The following PLCL1 variants were observed in gnomAD, a reference collection of about 807,000 sequenced individuals.
The protein encoded by PLCL1 is phospholipase C like 1 (inactive), also known as inactive phospholipase C-like protein 1.
In PLCL1, 41 loss-of-function variants were observed where a neutral mutation model predicts 84.4. The observed-to-expected ratio is 0.49, with a 90% CI of 0.38 to 0.63. The LOEUF is 0.63. Among genes scored for constraint, PLCL1 ranks in the 30% least tolerant of loss-of-function variants. The pLI, the probability that PLCL1 is intolerant of heterozygous loss-of-function variation, is 0.00. For synonymous variants in PLCL1, 490 were observed against 488.3 expected, an observed-to-expected ratio of 1.00 and a Z score of -0.05; for missense variants, 1,206 against 1,367.8, an observed-to-expected ratio of 0.88 and a Z score of 1.87.
intron 1 of PLCL1, among the ~76,000 whole-genome samples, chr2:197,905,341 G>A (rs142841080): frequency 0.012 from 1,787 of 152,322 alleles, 26 homozygotes; most frequent in African/African-American, 0.031. Flanking sequence ...GTGAGAACAC[G>A]CAGTGTTCAG....
At chr2:197,850,938 A>G (rs1005106364) in intron 1 of PLCL1, among the ~76,000 whole-genome samples, 32 of 152,186 alleles carry the variant, frequency 2.1e-4, no homozygotes, top group African/African-American at 7.7e-4. Context: ...CATTATCACA[A>G]ACTTTCTTAT....
intron 1 of PLCL1, among the ~76,000 whole-genome samples, chr2:197,890,701 T>TATATATATATATATATATATACATAC (rs11270566): frequency 8.4e-6 from 1 of 118,544 alleles, no homozygotes; most frequent in African/African-American, 3.8e-5. Flanking sequence ...TATATATATA[T>TATATATATATATATATATATACATAC]ACACACACAC....
intron 1 of PLCL1, among the ~76,000 whole-genome samples, chr2:198,038,976 G>A (rs183440552): frequency 1.5e-3 from 227 of 152,168 alleles, no homozygotes; most frequent in Non-Finnish European, 2.1e-3. Flanking sequence ...AATATGAAAA[G>A]GTATTTCCAC....
chr2:197,822,533 G>T (rs1690838423), intron 1 of PLCL1, among the ~76,000 whole-genome samples: 1 of 152,172 alleles, frequency 6.6e-6, no homozygotes, highest in Non-Finnish European at 1.5e-5. Context: ...TGCTTACCAT[G>T]TTCCAGACAC....
At chr2:197,829,421 A>G (rs1691007121) in intron 1 of PLCL1, among the ~76,000 whole-genome samples, 1 of 152,202 alleles carries the variant, frequency 6.6e-6, no homozygotes, top group Non-Finnish European at 1.5e-5. Context: ...TTCAATTGCA[A>G]CATTACACAC....
At position 198,149,233 on chromosome 2, in the gene PLCL1, G is replaced by A. The variant is rs944320496; in HGVS notation, c.*2271G>A. 6.6e-6 allele frequency: 1 copy of A among 152,318 alleles called. No individual in the cohort carries two copies. The highest frequency in any genetic ancestry group is 2.4e-5 in the African/African-American group (1 of 41,446). The allele number at this position is 152,318 out of a possible 1,614,324, so 9.4% of individuals were successfully genotyped here. ...ATGACATTGTTACATTCTATGAGGA[G>A]CATCTGTCTCCTTTCTAGACTTGAA... On this transcript the variant is annotated 3_prime_UTR_variant, in exon 6 of 6. Coordinates refer to ENST00000428675, the MANE Select transcript of PLCL1 (RefSeq NM_006226.4).
intron 1 of PLCL1, among the ~76,000 whole-genome samples, chr2:197,845,480 C>A (rs1191909008): frequency 1.3e-5 from 2 of 151,992 alleles, no homozygotes; most frequent in African/African-American, 4.8e-5. Flanking sequence ...CATAAAGGAG[C>A]CTGGCAAGAA....
chr2:197,866,592 C>G (rs1687550349), intron 1 of PLCL1, among the ~76,000 whole-genome samples: 1 of 152,182 alleles, frequency 6.6e-6, no homozygotes, highest in South Asian at 2.1e-4. Context: ...AATTAATATG[C>G]TTGCTTTTCC....
intron 1 of PLCL1, among the ~76,000 whole-genome samples, chr2:197,918,334 A>G (rs1309676958): frequency 6.6e-6 from 1 of 152,214 alleles, no homozygotes; most frequent in African/African-American, 2.4e-5. Context: ...AGGCGGAGAC[A>G]TGTCAACTAA....
intron 1 of PLCL1, among the ~76,000 whole-genome samples, chr2:197,990,676 C>T (rs1207282085): frequency 6.6e-6 from 1 of 152,096 alleles, no homozygotes; most frequent in Non-Finnish European, 1.5e-5. Context: ...AGAGTCCCTC[C>T]CATGACACAT....
chr2:197,963,330 T>A (rs969724562), intron 1 of PLCL1, among the ~76,000 whole-genome samples: 23 of 152,212 alleles, frequency 1.5e-4, no homozygotes, highest in African/African-American at 5.5e-4. Flanking sequence ...ATTTCTTTGA[T>A]GATCAATGAT....
intron 1 of PLCL1, among the ~76,000 whole-genome samples, chr2:198,031,549 G>A (rs1013398452): frequency 6.6e-6 from 1 of 151,690 alleles, no homozygotes; most frequent in Non-Finnish European, 1.5e-5. Flanking sequence ...GGAATGCAGT[G>A]GTGTGATCAG....
intron 1 of PLCL1, among the ~76,000 whole-genome samples, chr2:197,914,266 A>G (rs144482723): frequency 5.9e-5 from 9 of 152,310 alleles, no homozygotes; most frequent in African/African-American, 1.9e-4. Flanking sequence ...CAAAAAGTGA[A>G]TATCTGATTT....
At chr2:197,866,946 C>A (rs1422182980) in intron 1 of PLCL1, among the ~76,000 whole-genome samples, 2 of 152,118 alleles carry the variant, frequency 1.3e-5, no homozygotes, top group African/African-American at 2.4e-5. Flanking sequence ...ACATAAAAGG[C>A]ATCATTCATA....
chr2:197,969,293 G>A (rs189667804), intron 1 of PLCL1, among the ~76,000 whole-genome samples: 69 of 152,288 alleles, frequency 4.5e-4, no homozygotes, highest in South Asian at 6.2e-4. Flanking sequence ...TCTAGCATAT[G>A]TTGTAGTGTA....
At chr2:198,143,490 G>A (rs1231333954) in intron 5 of PLCL1, among the ~76,000 whole-genome samples, 4 of 152,150 alleles carry the variant, frequency 2.6e-5, no homozygotes, top group Admixed American at 6.5e-5. Flanking sequence ...GGACAAAGAC[G>A]TTTAGAGGGA....
At chr2:197,844,321 G>A (rs79298542) in intron 1 of PLCL1, among the ~76,000 whole-genome samples, 2,263 of 152,098 alleles carry the variant, frequency 0.015, 64 homozygotes, top group African/African-American at 0.052. Flanking sequence ...TTCTGACCCC[G>A]TAGGTTAGTT....
intron 1 of PLCL1, among the ~76,000 whole-genome samples, chr2:198,076,851 C>T (rs1416906243): frequency 2.6e-5 from 4 of 152,194 alleles, no homozygotes; most frequent in East Asian, 1.9e-4. Context: ...ATGATCCCAT[C>T]TCTCCCACCA....
At chr2:198,127,018 T>G (rs1434286) in intron 5 of PLCL1, among the ~76,000 whole-genome samples, 28,167 of 103,538 alleles carry the variant, frequency 0.27, 3,085 homozygotes, top group African/African-American at 0.42. Context: ...GTGTGGGGGG[T>G]GGTGTATTCT....
Sources: gnomAD v4.1 joint callset for allele counts (sites outside exome capture counted in the v4.1 genomes callset) on GRCh38, gnomAD v4.1.1 for gene constraint, MANE v1.5 for transcripts, NCBI Gene and HGNC (gene_info 2026-07-23, HGNC 2026-07-21) for gene names.